Variants in DNAH17 observed in about 807,000 individuals in gnomAD.
DNAH17 encodes axonemal beta dynein heavy chain 17.
DNAH17 carries 376 observed loss-of-function variants against 485.6 expected under a neutral mutation model. That is an observed-to-expected ratio of 0.77 (90% CI 0.71 to 0.84). The LOEUF (loss-of-function observed/expected upper bound fraction) is 0.84, where lower values mean the gene tolerates loss of function less well. Among genes scored for constraint, DNAH17 ranks in the 40% least tolerant of loss-of-function variants. The pLI, the probability that DNAH17 is intolerant of heterozygous loss-of-function variation, is 0.00. For synonymous variants in DNAH17, 3,031 were observed against 2,405.9 expected (o/e 1.26, Z -7.60); for missense variants, 6,370 against 5,839.3 (o/e 1.09, Z -2.96).
In DNAH17 at chr17:78,547,709, C is replaced by T. The variant is rs538622503; in HGVS notation, c.2392-3712G>A. ...CTCAGCTCACTGCAACCTCCACCTC[C>T]CAGGTTCAAGCAATTCTCCTGCCTC... On this transcript the variant is annotated intron_variant, in intron 16 of 80. Transcript: ENST00000389840. 5.3e-5 allele frequency among the ~76,000 whole-genome samples: 8 copies of T among 151,890 alleles called. No individual in the cohort carries two copies. The South Asian group carries it at 1.5e-3, about 28-fold the overall frequency.
intron 31 of DNAH17, among the ~76,000 whole-genome samples, chr17:78,504,070 GA>G (rs754175460): frequency 6.7e-6 from 1 of 150,178 alleles, no homozygotes; most frequent in Non-Finnish European, 1.5e-5. Flanking sequence ...CATGAGGGTA[GA>G]TTTTTTTTTT....
rs150701009 is a variant in DNAH17 at position 78,513,125 on chromosome 17, C to G, written c.4113+1649G>C. Among the ~76,000 whole-genome samples, 696 of 151,850 alleles carry G rather than the reference C, an allele frequency of 4.6e-3. 7 individuals carry two copies. Among genetic ancestry groups the G allele is most frequent in the African/African-American group, 0.015 (621 of 41,416 alleles). ...AACCCCCCCTCTGCTAGGGGCATTC[C>G]AAAGTAAACCGGAAAAATGAGTTCA... On this transcript the variant is annotated intron_variant, in intron 26 of 80. Coordinates refer to ENST00000389840, the MANE Select transcript of DNAH17 (RefSeq NM_173628.4).
At chr17:78,494,402 G>A (rs1359963829) in intron 40 of DNAH17, among the ~76,000 whole-genome samples, 191 bp downstream of exon 40, 1 of 151,890 alleles carries the variant, frequency 6.6e-6, no homozygotes, top group African/African-American at 2.4e-5. Context: ...TCAGTTGAGA[G>A]AGTGACCTCC....
At position 78,434,240 on chromosome 17, in the gene DNAH17, G is replaced by T. The variant is rs773389554; in HGVS notation, c.12034-20C>A. ...GGTGTCCTGTGGGGCACACGCTCCG[G>T]TCAGGTATTAGGGAGAGGGAGAAGT... On this transcript the variant is annotated intron_variant, in intron 74 of 80. Transcript: ENST00000389840. 3.1e-6 allele frequency: 5 copies of T among 1,592,508 alleles called. No individual in the cohort carries two copies. In the Admixed American group the frequency reaches 8.5e-5, roughly 27 times the overall value.
chr17:78,509,937 T>C (rs2090588220), intron 27 of DNAH17, among the ~76,000 whole-genome samples: 1 of 152,208 alleles, frequency 6.6e-6, no homozygotes, highest in South Asian at 2.1e-4. Flanking sequence ...ATCCTAGCCC[T>C]TTGGGAGGCT....
chr17:78,515,125 G>A lies in DNAH17; in HGVS notation c.3865-103C>T, dbSNP rs551497252. On this transcript the variant is annotated intron_variant, in intron 25 of 80. Transcript: ENST00000389840. ...ACTTACTCGCAGGGAGCAAAGCCCA[G>A]TGAGGAATATTTAGAACTAATACCC... is the stretch of plus-strand genomic sequence containing the variant. The A allele has an allele frequency of 3.7e-6, 5 of 1,367,182 alleles. No individual in the cohort carries two copies. The African/African-American group carries it at 5.8e-5, about 16-fold the overall frequency. The allele number at this position is 1,367,182 out of a possible 1,614,324, so 84.7% of individuals were successfully genotyped here.
chr17:78,537,235 G>T, intron 19 of DNAH17, 64 bp downstream of exon 19: 2 of 1,494,912 alleles, frequency 1.3e-6, no homozygotes, highest in South Asian at 2.5e-5. Flanking sequence ...GAGTTAGGGC[G>T]GCAACACCAA....
chr17:78,445,617 TA>T lies in DNAH17; in HGVS notation c.11274del (p.Phe3758LeufsTer81). 1 of 1,567,740 alleles carries T rather than the reference TA, an allele frequency of 6.4e-7. No individual in the cohort carries two copies. Among genetic ancestry groups the T allele is most frequent in the South Asian group, 1.2e-5 (1 of 85,092 alleles). On this transcript the variant is annotated frameshift_variant, in exon 70 of 81. Transcript: ENST00000389840. LOFTEE classifies it high-confidence loss of function. ...VELDFLLRFP[F>X]KAGVVSPVDF... ...TCCACTGGTGAGACCACTCCGGCCT[TA>T]AAAGGGAACCGCAGGAGGAAATCCA...
intron 13 of DNAH17, among the ~76,000 whole-genome samples, chr17:78,558,621 G>A (rs568797997): frequency 2.0e-5 from 3 of 152,366 alleles, no homozygotes; most frequent in Non-Finnish European, 2.9e-5. Context: ...TGTCATCATT[G>A]TAGGTGGATG....
At chr17:78,567,210 A>T in intron 9 of DNAH17, 44 bp from the exon 10 acceptor site, 1 of 1,552,718 alleles carries the variant, frequency 6.4e-7, no homozygotes, top group Non-Finnish European at 8.7e-7. Context: ...TCACAACCCA[A>T]CTCACGGGTC....
intron 25 of DNAH17, among the ~76,000 whole-genome samples, chr17:78,524,026 T>C (rs577691778): frequency 5.3e-5 from 8 of 152,254 alleles, no homozygotes; most frequent in Non-Finnish European, 1.0e-4. Context: ...GGTCTGAATA[T>C]TCCCCCCAAA....
At chr17:78,556,466 G>A (rs576329903) in intron 14 of DNAH17, among the ~76,000 whole-genome samples, 32 of 152,302 alleles carry the variant, frequency 2.1e-4, no homozygotes, top group African/African-American at 3.8e-4. Context: ...AATACGTGCC[G>A]TTTAAAGTCA....
intron 16 of DNAH17, among the ~76,000 whole-genome samples, chr17:78,547,226 T>G (rs2091787676): frequency 6.6e-6 from 1 of 152,206 alleles, no homozygotes; most frequent in Non-Finnish European, 1.5e-5. Flanking sequence ...CTTGGTATCC[T>G]GGAATACATC....
chr17:78,451,264 G>A (rs1475742231), intron 66 of DNAH17, among the ~76,000 whole-genome samples: 2 of 152,370 alleles, frequency 1.3e-5, no homozygotes, highest in East Asian at 1.9e-4. Context: ...AAATTTGGGA[G>A]CAGGAAGAGG....
chr17:78,444,147 T>C (rs774932701), intron 71 of DNAH17, among the ~76,000 whole-genome samples: 1 of 152,250 alleles, frequency 6.6e-6, no homozygotes. Flanking sequence ...CGAATGCTGA[T>C]GGGTTTGCCA....
intron 54 of DNAH17, chr17:78,472,909 C>T: frequency 3.2e-6 from 1 of 314,872 alleles, no homozygotes; most frequent in Non-Finnish European, 6.5e-6. Context: ...ATCCTGCCCG[C>T]TCTATCCCCT....
chr17:78,443,371 A>G (rs2146466457), intron 71 of DNAH17, among the ~76,000 whole-genome samples: 1 of 152,072 alleles, frequency 6.6e-6, no homozygotes, highest in East Asian at 1.9e-4. Context: ...ACCCTGGGAC[A>G]CAGCTGGCAT....
At chr17:78,522,817 G>T in intron 25 of DNAH17, 1 of 198,512 alleles carries the variant, frequency 5.0e-6, no homozygotes. Flanking sequence ...GGAAGACACT[G>T]AGGAAAAGCA....
Position 78,428,508 on chromosome 17 carries a change from A to T in DNAH17, c.12588+17T>A, listed in dbSNP as rs1169931850. 6.3e-7 allele frequency: 1 copy of T among 1,579,768 alleles called. No individual in the cohort carries two copies. Among genetic ancestry groups the T allele is most frequent in the East Asian group, 2.3e-5 (1 of 43,066 alleles). On this transcript the variant is annotated intron_variant, in intron 77 of 80. Coordinates refer to ENST00000389840, the MANE Select transcript of DNAH17 (RefSeq NM_173628.4). Reference sequence around the variant, plus strand: ...CTCCCCCTTCCTCTCGCTTGGGAGCAGTTTCAAAGATCCTGCCTTCTCCTC... The same window carrying T: ...CTCCCCCTTCCTCTCGCTTGGGAGCTGTTTCAAAGATCCTGCCTTCTCCTC...
Sources: gnomAD v4.1 joint callset for allele counts (sites outside exome capture counted in the v4.1 genomes callset) on GRCh38, gnomAD v4.1.1 for gene constraint, MANE v1.5 for transcripts, NCBI Gene and HGNC (gene_info 2026-07-23, HGNC 2026-07-21) for gene names.